The following CSMD1 variants were observed in gnomAD, a reference collection of about 807,000 sequenced individuals.
CSMD1 encodes the protein CUB and sushi domain-containing protein 1.
Under a neutral mutation model 417.5 loss-of-function variants are expected in CSMD1, and 213 were observed. The ratio of observed to expected loss-of-function variants is 0.51; its 90% CI spans 0.46 to 0.57. The LOEUF (loss-of-function observed/expected upper bound fraction) is 0.57. CSMD1 is among the 20% of genes least tolerant of loss of function. CSMD1 has a pLI of 0.00. For synonymous variants in CSMD1, 2,862 were observed against 1,736.8 expected (o/e 1.65, Z -16.11); for missense variants, 6,923 against 4,529.7 (o/e 1.53, Z -15.17).
chr8:3,982,613 G>C (rs942318865), intron 5 of CSMD1, among the ~76,000 whole-genome samples: 6 of 111,286 alleles, frequency 5.4e-5, no homozygotes, highest in African/African-American at 9.8e-5. Flanking sequence ...GTACTGCTGA[G>C]AGAGAAAAAA....
intron 5 of CSMD1, among the ~76,000 whole-genome samples, chr8:3,896,718 G>A (rs1171315462): frequency 6.6e-6 from 1 of 151,860 alleles, no homozygotes; most frequent in Non-Finnish European, 1.5e-5. Context: ...CACCACATTA[G>A]CCAGGATGGT....
intron 12 of CSMD1, among the ~76,000 whole-genome samples, chr8:3,436,621 C>T (rs184121476): frequency 3.2e-4 from 49 of 152,222 alleles, no homozygotes; most frequent in Middle Eastern, 3.4e-3. Flanking sequence ...ATAAACATCA[C>T]ACCAACATAG....
chr8:3,608,262 A>G lies in CSMD1; in HGVS notation c.1097+8448T>C, dbSNP rs1358500910. 2.6e-5 allele frequency among the ~76,000 whole-genome samples: 4 copies of G among 152,004 alleles called. No homozygotes were observed. The East Asian group carries it at 7.8e-4, about 30-fold the overall frequency. ...TGCAGAGGAGGTAGTGTCAGGACAGATATTGCAGCTCATGCAGAATCAGGG... is the reference window on the plus strand; with the variant it reads ...TGCAGAGGAGGTAGTGTCAGGACAGGTATTGCAGCTCATGCAGAATCAGGG... On this transcript the variant is annotated intron_variant, in intron 8 of 69. Coordinates refer to ENST00000635120, the MANE Select transcript of CSMD1 (RefSeq NM_033225.6).
chr8:4,549,735 A>G (rs1432033139), intron 2 of CSMD1, among the ~76,000 whole-genome samples: 1 of 151,800 alleles, frequency 6.6e-6, no homozygotes, highest in East Asian at 1.9e-4. Flanking sequence ...CTATAAATCT[A>G]TAAATACAAA....
chr8:3,126,556 A>T (rs963357624), intron 41 of CSMD1, among the ~76,000 whole-genome samples: 5 of 152,188 alleles, frequency 3.3e-5, no homozygotes, highest in African/African-American at 1.2e-4. Context: ...TCAGCCATGA[A>T]TGGTAGTCCA....
intron 3 of CSMD1, among the ~76,000 whole-genome samples, chr8:4,174,921 A>C (rs1456968452): frequency 1.3e-5 from 2 of 151,000 alleles, no homozygotes; most frequent in Non-Finnish European, 2.9e-5. Context: ...TGCAGAACTG[A>C]TGTCAACTCC....
At chr8:4,545,321 G>C (rs775639487) in intron 2 of CSMD1, among the ~76,000 whole-genome samples, 2 of 152,124 alleles carry the variant, frequency 1.3e-5, no homozygotes, top group Non-Finnish European at 2.9e-5. Flanking sequence ...TCTAACACCA[G>C]AAAAGCCCTT....
At position 4,785,594 on chromosome 8, in the gene CSMD1, G is replaced by A. The variant is rs73661127; in HGVS notation, c.86-148036C>T. Among the ~76,000 whole-genome samples, 754 of 152,188 alleles carry A rather than the reference G, an allele frequency of 5.0e-3. 2 individuals are homozygous for A. The highest frequency in any genetic ancestry group is 0.018 in the African/African-American group (731 of 41,528). On this transcript the variant is annotated intron_variant, in intron 1 of 69. Coordinates refer to ENST00000635120, the MANE Select transcript of CSMD1 (RefSeq NM_033225.6). ...GTCCTGAGCCACTTGGAAGTCATCT[G>A]ACTTCAGGGGGCTCTGAGAACCTCA...
intron 1 of CSMD1, among the ~76,000 whole-genome samples, chr8:4,712,208 C>T (rs1331303955): frequency 6.6e-6 from 1 of 152,214 alleles, no homozygotes; most frequent in Non-Finnish European, 1.5e-5. Flanking sequence ...TCCATTAGCT[C>T]TTGACCTCTA....
chr8:3,810,436 G>C (rs772522568), intron 5 of CSMD1, among the ~76,000 whole-genome samples: 2 of 152,120 alleles, frequency 1.3e-5, no homozygotes, highest in South Asian at 2.1e-4. Context: ...AGAAGGGATC[G>C]AAGGGAGCAC....
intron 1 of CSMD1, among the ~76,000 whole-genome samples, chr8:4,925,220 T>G (rs913656725): frequency 1.5e-5 from 2 of 132,606 alleles, no homozygotes; most frequent in African/African-American, 5.7e-5. Flanking sequence ...TTATGGTTTT[T>G]TTTTTTTTTT....
intron 5 of CSMD1, among the ~76,000 whole-genome samples, chr8:3,993,346 C>G (rs952092484): frequency 6.6e-6 from 1 of 152,150 alleles, no homozygotes; most frequent in Non-Finnish European, 1.5e-5. Flanking sequence ...CAGCATGTTC[C>G]TCTATAATTC....
intron 1 of CSMD1, among the ~76,000 whole-genome samples, chr8:4,848,911 T>C (rs1801305538): frequency 6.6e-6 from 1 of 152,238 alleles, no homozygotes; most frequent in Non-Finnish European, 1.5e-5. Flanking sequence ...TATTGTACTT[T>C]TTATTGTTGC....
intron 11 of CSMD1, among the ~76,000 whole-genome samples, chr8:3,492,272 A>C (rs183171486): frequency 3.3e-5 from 5 of 152,294 alleles, no homozygotes; most frequent in Non-Finnish European, 7.4e-5. Flanking sequence ...CTCTCAGAGC[A>C]TAAAGACATG....
At chr8:4,709,396 C>G (rs548530616) in intron 1 of CSMD1, among the ~76,000 whole-genome samples, 1 of 152,070 alleles carries the variant, frequency 6.6e-6, no homozygotes, top group Non-Finnish European at 1.5e-5. Flanking sequence ...AGCCAAGGGA[C>G]GAACATAAAG....
At chr8:4,698,012 A>G (rs751627152) in intron 1 of CSMD1, among the ~76,000 whole-genome samples, 3 of 152,206 alleles carry the variant, frequency 2.0e-5, no homozygotes, top group African/African-American at 4.8e-5. Context: ...AACACTTAAT[A>G]TGTCCATAGA....
chr8:3,642,234 C>G (rs892532000), intron 7 of CSMD1, among the ~76,000 whole-genome samples: 2 of 151,498 alleles, frequency 1.3e-5, no homozygotes, highest in Non-Finnish European at 2.9e-5. Context: ...AATGGTGAAA[C>G]CCCCAAGAAG....
chr8:3,312,293 T>C (rs964583195), intron 23 of CSMD1, among the ~76,000 whole-genome samples: 1 of 152,236 alleles, frequency 6.6e-6, no homozygotes, highest in African/African-American at 2.4e-5. Context: ...AGCGTAGTTT[T>C]CTCTTTATAT....
At chr8:3,769,025 T>C (rs949910885) in intron 5 of CSMD1, among the ~76,000 whole-genome samples, 1 of 152,248 alleles carries the variant, frequency 6.6e-6, no homozygotes, top group Non-Finnish European at 1.5e-5. Flanking sequence ...AGGGCGTTAG[T>C]TGCTTTTGGA....
Sources: gnomAD v4.1 joint callset for allele counts (sites outside exome capture counted in the v4.1 genomes callset) on GRCh38, gnomAD v4.1.1 for gene constraint, MANE v1.5 for transcripts, NCBI Gene and HGNC (gene_info 2026-07-23, HGNC 2026-07-21) for gene names.